Variants in ARHGAP23 observed in about 807,000 individuals in gnomAD.
The protein encoded by ARHGAP23 is rho GTPase-activating protein 23.
Under a neutral mutation model 136.3 loss-of-function variants are expected in ARHGAP23, and 34 were observed. That is an observed-to-expected ratio of 0.25 (90% confidence interval 0.19 to 0.33). The LOEUF (loss-of-function observed/expected upper bound fraction) is 0.33, where lower values mean the gene tolerates loss of function less well. Among genes scored for constraint, ARHGAP23 ranks in the 10% least tolerant of loss-of-function variants. The pLI is 1.00. For synonymous variants in ARHGAP23, 832 were observed against 920.5 expected, an observed-to-expected ratio of 0.90 and a Z score of 1.74; for missense variants, 1,808 against 2,139.0, an observed-to-expected ratio of 0.85 and a Z score of 3.05.
chr17:38,500,458 T>G (rs1437673004), intron 22 of ARHGAP23, 139 bp from the exon 23 acceptor site: 1 of 731,094 alleles, frequency 1.4e-6, no homozygotes, highest in Non-Finnish European at 2.4e-6. Context: ...TCCATCATAC[T>G]CCTAGGGCCT....
intron 7 of ARHGAP23, 23 bp from the exon 8 acceptor site, chr17:38,469,121 C>A (rs1005076834): frequency 3.3e-6 from 5 of 1,538,120 alleles, no homozygotes; most frequent in Non-Finnish European, 4.4e-6. Flanking sequence ...TGCCTTCACA[C>A]CTTTCTCCTT....
At chr17:38,493,269 A>AT (rs1276616257) in intron 20 of ARHGAP23, among the ~76,000 whole-genome samples, 2 of 149,176 alleles carry the variant, frequency 1.3e-5, no homozygotes, top group African/African-American at 5.0e-5. Flanking sequence ...GTGGGCAGAT[A>AT]CGGCCCACTT....
At chr17:38,456,707 T>G (rs1451721385) in intron 1 of ARHGAP23, among the ~76,000 whole-genome samples, 4 of 152,208 alleles carry the variant, frequency 2.6e-5, no homozygotes, top group African/African-American at 9.6e-5. Flanking sequence ...GAGCACCCTC[T>G]ATCTGACACC....
At chr17:38,451,556 C>T (rs1362294477) in intron 1 of ARHGAP23, 1 of 152,254 alleles carries the variant, frequency 6.6e-6, no homozygotes, top group Non-Finnish European at 1.5e-5. Context: ...GAGAGTCATT[C>T]CATTTCCTTA....
intron 1 of ARHGAP23, among the ~76,000 whole-genome samples, chr17:38,441,965 C>T (rs1322644288): frequency 3.3e-5 from 5 of 151,526 alleles, no homozygotes; most frequent in Non-Finnish European, 7.4e-5. Context: ...CTCCCCCACT[C>T]CTTTTTTTTG....
rs116141185 is a variant in ARHGAP23 at position 38,454,663 on chromosome 17, G to T, written c.64-3439G>T. 2.0e-5 allele frequency among the ~76,000 whole-genome samples: 3 copies of T among 152,200 alleles called. No individual in the cohort carries two copies. The East Asian group carries it at 5.8e-4, about 29-fold the overall frequency. On this transcript the variant is annotated intron_variant, in intron 1 of 23. Coordinates refer to ENST00000622683, the MANE Select transcript of ARHGAP23 (RefSeq NM_001199417.2). The stretch of plus-strand genomic sequence containing the variant: ...AGTGCTCTCAGGGCTGACAGGGCTG[G>T]GCTGGGGGACTGCCGTGTTTCTGAT...
chr17:38,470,402 C>T (rs1320174033), intron 10 of ARHGAP23, among the ~76,000 whole-genome samples: 1 of 152,198 alleles, frequency 6.6e-6, no homozygotes, highest in African/African-American at 2.4e-5. Context: ...GTATTTGCAT[C>T]GCGTCTTGTC....
At chr17:38,483,342 G>A (rs2040089173) in intron 16 of ARHGAP23, among the ~76,000 whole-genome samples, 2 of 152,216 alleles carry the variant, frequency 1.3e-5, no homozygotes, top group South Asian at 4.1e-4. Flanking sequence ...CTGATCAGGC[G>A]AGATGAGACC....
Position 38,495,228 on chromosome 17 carries a change from CTTTT to C in ARHGAP23, c.3277-2539_3277-2536del, listed in dbSNP as rs11295890. Among the ~76,000 whole-genome samples, 19 of 135,420 alleles carry C rather than the reference CTTTT, an allele frequency of 1.4e-4. 1 individual carries two copies. The highest frequency in any genetic ancestry group is 1.6e-4 in the Non-Finnish European group (10 of 62,950). 88.8% of individuals were successfully genotyped at this position (135,420 alleles called of 152,430 possible). ...CTCCAGAGCTTCCATTTTTCTTTTT[CTTTT>C]TTTTTTTTTTTTTTTTTGAGACAGA... On this transcript the variant is annotated intron_variant, in intron 20 of 23. Transcript: ENST00000622683.
chr17:38,506,923 T>G (rs1186242471), intron 23 of ARHGAP23, among the ~76,000 whole-genome samples: 1 of 152,110 alleles, frequency 6.6e-6, no homozygotes, highest in Non-Finnish European at 1.5e-5. Context: ...TCCACAGCCA[T>G]GTGCTTGACA....
At chr17:38,426,168 G>T (rs2038567691), upstream of ARHGAP23, among the ~76,000 whole-genome samples, 1 of 151,944 alleles carries the variant, frequency 6.6e-6, no homozygotes, top group Admixed American at 6.6e-5. Flanking sequence ...CTGAGCCAAG[G>T]TGGCAACAAG....
intron 1 of ARHGAP23, among the ~76,000 whole-genome samples, chr17:38,431,854 C>T (rs560297056): frequency 6.6e-6 from 1 of 152,324 alleles, no homozygotes; most frequent in South Asian, 2.1e-4. Flanking sequence ...ATGCCTTTCC[C>T]TCTGTGGTTG....
upstream of ARHGAP23, among the ~76,000 whole-genome samples, chr17:38,423,613 T>A (rs973656648): frequency 1.3e-5 from 2 of 152,142 alleles, no homozygotes; most frequent in Non-Finnish European, 2.9e-5. Flanking sequence ...CCTCAAGTGA[T>A]CTGCCCTCCT....
intron 11 of ARHGAP23, 112 bp downstream of exon 11, chr17:38,472,118 C>G: frequency 1.6e-6 from 2 of 1,230,618 alleles, no homozygotes; most frequent in South Asian, 1.7e-5. Flanking sequence ...TAGGTTGTTG[C>G]ATGAAGGATG....
intron 1 of ARHGAP23, among the ~76,000 whole-genome samples, chr17:38,446,181 ATTTTTTTTT>A (rs5820259): frequency 2.0e-5 from 2 of 99,646 alleles, no homozygotes; most frequent in African/African-American, 8.3e-5. Flanking sequence ...CACCTGGCTA[ATTTTTTTTT>A]TTTTTTTTTT....
chr17:38,509,141 C>T (rs1597857559), intron 23 of ARHGAP23, among the ~76,000 whole-genome samples: 1 of 152,150 alleles, frequency 6.6e-6, no homozygotes. Context: ...TGGGCGGCAG[C>T]ATGGGCCCTC....
chr17:38,495,646 A>C (rs909401915), intron 20 of ARHGAP23, among the ~76,000 whole-genome samples: 1 of 152,150 alleles, frequency 6.6e-6, no homozygotes, highest in African/African-American at 2.4e-5. Flanking sequence ...CATGAGCGAT[A>C]ATAACTGAGG....
chr17:38,421,112 A>G (rs1171771186), intron 1 of ARHGAP23, among the ~76,000 whole-genome samples: 1 of 152,190 alleles, frequency 6.6e-6, no homozygotes, highest in Non-Finnish European at 1.5e-5. Context: ...CCCAGAGGAC[A>G]GACCACAGCC....
chr17:38,498,639 T>C (rs1260220755), intron 22 of ARHGAP23, 129 bp downstream of exon 22: 4 of 781,026 alleles, frequency 5.1e-6, no homozygotes, highest in African/African-American at 3.5e-5. Context: ...CCGGCCACCA[T>C]GGAGATGGGG....
Sources: allele counts gnomAD v4.1 joint callset (sites outside exome capture counted in the v4.1 genomes callset), GRCh38; gene constraint gnomAD v4.1.1; transcripts MANE v1.5; gene names NCBI Gene and HGNC (gene_info 2026-07-23, HGNC 2026-07-21).